The following PCDHGB5 variants were observed in gnomAD, a reference collection of about 807,000 sequenced individuals.
PCDHGB5 encodes protocadherin gamma-B5.
A neutral mutation model predicts 62.9 loss-of-function variants in PCDHGB5; 48 were observed. The observed-to-expected ratio is 0.76, with a 90% confidence interval of 0.61 to 0.97. The LOEUF (loss-of-function observed/expected upper bound fraction) is 0.97. Ranked by LOEUF, PCDHGB5 falls within the 50% of genes least tolerant of loss-of-function variation. PCDHGB5 has a pLI of 0.00. For missense variants in PCDHGB5, 1,118 were observed against 1,198.6 expected, an observed-to-expected ratio of 0.93 and a Z score of 0.99; for synonymous variants, 474 against 511.2, an observed-to-expected ratio of 0.93 and a Z score of 0.98.
Position 141,432,058 on chromosome 5 carries a change from C to T in PCDHGB5, c.2397+31534C>T, listed in dbSNP as rs2097444209. On this transcript the variant is annotated intron_variant, in intron 1 of 3. Coordinates refer to ENST00000617380, the MANE Select transcript of PCDHGB5 (RefSeq NM_018925.3). The surrounding 1 kb of genome is among the most constrained non-coding windows in gnomAD (Gnocchi z 6.0). ...CTGACCGGGGAACCCCGCCCCTATC[C>T]ACGGAAACTCATATCTCGCTGAACG... 1 of 1,614,210 alleles carries T rather than the reference C, an allele frequency of 6.2e-7. No individual in the cohort carries two copies.
chr5:141,428,148 G>A (rs774961575), intron 1 of PCDHGB5: 6 of 1,588,024 alleles, frequency 3.8e-6, no homozygotes, highest in East Asian at 4.5e-5. Flanking sequence ...GCTGCACACG[G>A]GAACCTGCTG....
rs2099883850 is a variant in PCDHGB5, at chr5:141,511,565, A to T, written c.*392A>T. The T allele has an allele frequency of 3.4e-6, 1 of 295,974 alleles. No homozygotes were observed. Among genetic ancestry groups the T allele is most frequent in the African/African-American group, 2.2e-5 (1 of 46,502 alleles). The allele number at this position is 295,974 out of a possible 1,614,324, so 18.3% of individuals were successfully genotyped here. The stretch of plus-strand genomic sequence containing the variant: ...CCACTCCAACAGTTCCTCTTTCCCG[A>T]GTAAGGTGGTTGGGGTGTTGAAGTA... On this transcript the variant is annotated 3_prime_UTR_variant, in exon 4 of 4. Coordinates refer to ENST00000617380, the MANE Select transcript of PCDHGB5 (RefSeq NM_018925.3).
At chr5:141,508,570 C>T (rs1164806696) in intron 3 of PCDHGB5, among the ~76,000 whole-genome samples, 21 of 152,198 alleles carry the variant, frequency 1.4e-4, no homozygotes. Context: ...GTCACTTGCA[C>T]CCACTCGGGG....
intron 1 of PCDHGB5, chr5:141,422,819 TGA>T (rs766395950): frequency 1.9e-5 from 31 of 1,614,068 alleles, no homozygotes; most frequent in Middle Eastern, 1.6e-4. Flanking sequence ...GACTTAGAAC[TGA>T]GAGTGATAGC....
chr5:141,511,140 C>T lies in PCDHGB5; in HGVS notation c.2739C>T (p.Asn913=). Reference sequence around the variant, plus strand: ...AGGCCCCAGCAGGTGGCAATGGCAACAAGAAGAAGTCGGGCAAGAAGGAGA... The same window carrying T: ...AGGCCCCAGCAGGTGGCAATGGCAATAAGAAGAAGTCGGGCAAGAAGGAGA... ...DGKAPAGGNG[N]KKKSGKKEKK is the part of the protein sequence containing the mutation. Residue 913 remains asparagine (N), a synonymous_variant, in exon 4 of 4, where the codon AAC becomes AAT. Transcript: ENST00000617380. The T allele has an allele frequency of 1.2e-6, 2 of 1,614,186 alleles. No homozygotes were observed. The highest frequency in any genetic ancestry group is 1.3e-5 in the African/African-American group (1 of 75,050).
intron 1 of PCDHGB5, among the ~76,000 whole-genome samples, chr5:141,434,860 A>G (rs2097723622): frequency 6.6e-6 from 1 of 151,982 alleles, no homozygotes; most frequent in African/African-American, 2.4e-5. Flanking sequence ...ATAAATTTAT[A>G]TATATGTGAC....
At chr5:141,423,644 A>G in intron 1 of PCDHGB5, 1 of 1,592,866 alleles carries the variant, frequency 6.3e-7, no homozygotes, top group South Asian at 1.1e-5. Context: ...GGCAAATGTG[A>G]CCCGACAAGT....
At chr5:141,479,671 G>A (rs1484965995) in intron 1 of PCDHGB5, 1 of 152,196 alleles carries the variant, frequency 6.6e-6, no homozygotes, top group Non-Finnish European at 1.5e-5. Flanking sequence ...AACTACAAAA[G>A]GAGAGTCTTT....
chr5:141,428,063 C>T lies in PCDHGB5; in HGVS notation c.2397+27539C>T, dbSNP rs777477669. 12 of 1,609,054 alleles carry T rather than the reference C, an allele frequency of 7.5e-6. No individual in the cohort carries two copies. In the African/African-American group the frequency reaches 1.3e-4, roughly 18 times the overall value. ...TGGTGACCAAGGTGGTGGCGGTGGA[C>T]GCAGATTCGGGACACAACGCTTGGC... On this transcript the variant is annotated intron_variant, in intron 1 of 3. Coordinates refer to ENST00000617380, the MANE Select transcript of PCDHGB5 (RefSeq NM_018925.3).
intron 1 of PCDHGB5, chr5:141,492,027 A>T (rs1157170828): frequency 8.8e-6 from 5 of 565,466 alleles, no homozygotes; most frequent in African/African-American, 7.7e-5. Flanking sequence ...GGGTCCCGGG[A>T]GGAGGCAGTC....
At chr5:141,462,217 C>T (rs1469685983) in intron 1 of PCDHGB5, among the ~76,000 whole-genome samples, 1 of 152,216 alleles carries the variant, frequency 6.6e-6, no homozygotes, top group South Asian at 2.1e-4. Flanking sequence ...GCCTCGGCCT[C>T]CCAAAGTGCA....
At position 141,476,923 on chromosome 5, in the gene PCDHGB5, G is replaced by A. The variant is rs368207814; in HGVS notation, c.2398-17884G>A. On this transcript the variant is annotated intron_variant, in intron 1 of 3. Transcript: ENST00000617380. This position sits in a 1 kb window ranked among gnomAD's most constrained non-coding sequence, Gnocchi z 7.6. ...CGCGCGTGGTACAAGTCCTTGCAAC[G>A]GATCTGGATGAAGGCCCCAACGGTG... The A allele has an allele frequency of 5.0e-6, 8 of 1,614,024 alleles. No individual in the cohort carries two copies. Among genetic ancestry groups the A allele is most frequent in the African/African-American group, 4.0e-5 (3 of 74,952 alleles).
At chr5:141,416,115 A>G (rs2095995433) in intron 1 of PCDHGB5, 2 of 155,406 alleles carry the variant, frequency 1.3e-5, no homozygotes, top group East Asian at 1.9e-4. Context: ...TTCAAACTAC[A>G]TTTTATATAT....
chr5:141,447,428 G>A (rs542079336), intron 1 of PCDHGB5, among the ~76,000 whole-genome samples: 4 of 152,182 alleles, frequency 2.6e-5, no homozygotes, highest in East Asian at 1.9e-4. Flanking sequence ...GTGAGCCACC[G>A]CACCCGGAGG....
At chr5:141,427,695 C>T in intron 1 of PCDHGB5, 1 of 918,214 alleles carries the variant, frequency 1.1e-6, no homozygotes, top group Non-Finnish European at 1.7e-6. Context: ...CTCCATCCCA[C>T]AAGTCAGCGC....
In PCDHGB5 at chr5:141,491,867, T is replaced by A. The variant is rs1424221139; in HGVS notation, c.2398-2940T>A. On this transcript the variant is annotated intron_variant, in intron 1 of 3. Transcript: ENST00000617380. The surrounding 1 kb of genome is among the most constrained non-coding windows in gnomAD (Gnocchi z 6.9). ...TTGGACCGTTTGCGCGAAACCAGAG[T>A]GGCCGATTAAGGGATGGGGCTCCGA... 6.9e-7 allele frequency: 1 copy of A among 1,452,218 alleles called. No homozygotes were observed. The highest frequency in any genetic ancestry group is 9.1e-7 in the Non-Finnish European group (1 of 1,099,056). The allele number at this position is 1,452,218 out of a possible 1,614,324, so 90.0% of individuals were successfully genotyped here. A position where few individuals can be genotyped will look rare whatever the true frequency, so the allele number is the denominator to read the frequency against.
At position 141,490,591 on chromosome 5, in the gene PCDHGB5, G is replaced by A; in HGVS notation, c.2398-4216G>A. 1 of 1,614,100 alleles carries A rather than the reference G, an allele frequency of 6.2e-7. No homozygotes were observed. Among genetic ancestry groups the A allele is most frequent in the African/African-American group, 1.3e-5 (1 of 75,016 alleles). ...CAACATTTCAGATGTCAATGACAAT[G>A]CACCCCGCTTCAACCAGCAGCTTTA... On this transcript the variant is annotated intron_variant, in intron 1 of 3. Coordinates refer to ENST00000617380, the MANE Select transcript of PCDHGB5 (RefSeq NM_018925.3). This position sits in a 1 kb window ranked among gnomAD's most constrained non-coding sequence, Gnocchi z 5.4.
In PCDHGB5 at chr5:141,489,120, G is replaced by C; in HGVS notation, c.2398-5687G>C. The C allele has an allele frequency of 1.1e-5, 5 of 445,662 alleles. No homozygotes were observed. Among genetic ancestry groups the C allele is most frequent in the East Asian group, 3.8e-5 (1 of 26,010 alleles). The allele number at this position is 445,662 out of a possible 1,614,324, so 27.6% of individuals were successfully genotyped here. ...AACTGCTGCAAGCAGGCAAACCTCC[G>C]AGCAGTTTTTAAGAGGCTGGAAGGA... On this transcript the variant is annotated intron_variant, in intron 1 of 3. Transcript: ENST00000617380. This position sits in a 1 kb window ranked among gnomAD's most constrained non-coding sequence, Gnocchi z 4.5.
At chr5:141,430,206 TTATTA>T (rs1267858049) in intron 1 of PCDHGB5, among the ~76,000 whole-genome samples, 2 of 151,984 alleles carry the variant, frequency 1.3e-5, no homozygotes, top group African/African-American at 4.8e-5. Flanking sequence ...AAAGTTTAAA[TTATTA>T]TATTATATGA....
Sources: gnomAD v4.1 joint callset for allele counts (sites outside exome capture counted in the v4.1 genomes callset) on GRCh38, gnomAD v4.1.1 for gene constraint, Gnocchi (gnomAD v3.1) non-coding constraint, MANE v1.5 for transcripts, NCBI Gene and HGNC (gene_info 2026-07-23, HGNC 2026-07-21) for gene names.